Variants in CACNA1B observed in about 807,000 individuals in gnomAD.
The protein encoded by CACNA1B is voltage-dependent N-type calcium channel subunit alpha-1B.
In CACNA1B, 70 loss-of-function variants were observed where a neutral mutation model predicts 247.2. That is an observed-to-expected ratio of 0.28 (90% CI 0.23 to 0.35). The LOEUF (loss-of-function observed/expected upper bound fraction) is 0.35, where lower values mean the gene tolerates loss of function less well. CACNA1B is among the 10% of genes least tolerant of loss of function. The pLI, the probability that CACNA1B is intolerant of heterozygous loss-of-function variation, is 1.00. For missense variants in CACNA1B, 2,367 were observed against 3,197.4 expected, an observed-to-expected ratio of 0.74 and a Z score of 6.26; for synonymous variants, 1,231 against 1,294.4, an observed-to-expected ratio of 0.95 and a Z score of 1.05.
intron 40 of CACNA1B, 70 bp from the exon 41 acceptor site, chr9:138,114,308 A>T (rs1269817650): frequency 4.9e-5 from 38 of 781,082 alleles, no homozygotes; most frequent in Non-Finnish European, 2.2e-6. Context: ...TCCTCACCTT[A>T]CTTCCATACC....
At chr9:138,110,167 T>C (rs1961574905) in intron 39 of CACNA1B, among the ~76,000 whole-genome samples, 1 of 151,996 alleles carries the variant, frequency 6.6e-6, no homozygotes, top group South Asian at 2.1e-4. Flanking sequence ...CAGGCTGCAG[T>C]GCAGTGGTGC....
At chr9:138,117,727 A>G (rs1961921551) in intron 42 of CACNA1B, among the ~76,000 whole-genome samples, 1 of 152,004 alleles carries the variant, frequency 6.6e-6, no homozygotes, top group African/African-American at 2.4e-5. Flanking sequence ...TTTTGGATCC[A>G]TGTCCTTTGA....
intron 31 of CACNA1B, among the ~76,000 whole-genome samples, chr9:138,063,205 A>G (rs1350807149): frequency 6.6e-6 from 1 of 151,828 alleles, no homozygotes; most frequent in East Asian, 1.9e-4. Context: ...AAGGCAGGGA[A>G]CGTCTTGGGC....
intron 7 of CACNA1B, among the ~76,000 whole-genome samples, chr9:137,953,611 G>A (rs939721474): frequency 1.3e-5 from 2 of 152,200 alleles, no homozygotes; most frequent in African/African-American, 4.8e-5. Context: ...GGTAGCTGGC[G>A]GAGGCTTGAG....
At chr9:137,939,159 A>T (rs1325034790) in intron 6 of CACNA1B, among the ~76,000 whole-genome samples, 1 of 152,210 alleles carries the variant, frequency 6.6e-6, no homozygotes, top group Non-Finnish European at 1.5e-5. Flanking sequence ...CTAACAGGTC[A>T]TCAAGGCAGA....
At chr9:137,976,767 G>A (rs1958227838) in intron 12 of CACNA1B, among the ~76,000 whole-genome samples, 1 of 131,500 alleles carries the variant, frequency 7.6e-6, no homozygotes, top group Admixed American at 7.3e-5. Flanking sequence ...AGCACAGAGG[G>A]CAGGGCAGGG....
At chr9:138,116,377 C>T (rs1443482614) in intron 42 of CACNA1B, among the ~76,000 whole-genome samples, 1 of 152,190 alleles carries the variant, frequency 6.6e-6, no homozygotes, top group Admixed American at 6.5e-5. Context: ...TTACAAGAAC[C>T]ATCACTTTTT....
At position 138,058,497 on chromosome 9, in the gene CACNA1B, G is replaced by A; in HGVS notation, c.4309-72G>A. The A allele has an allele frequency of 7.2e-7, 1 of 1,392,438 alleles. No homozygotes were observed. The highest frequency in any genetic ancestry group is 9.9e-7 in the Non-Finnish European group (1 of 1,011,064). The allele number at this position is 1,392,438 out of a possible 1,614,324, so 86.3% of individuals were successfully genotyped here. Reference sequence around the variant, plus strand: ...CTCCCTGTGAGGCCTGGCGAGACAGGGCTGGGTGCAGTAGATGCCGTCGGG... The same window carrying A: ...CTCCCTGTGAGGCCTGGCGAGACAGAGCTGGGTGCAGTAGATGCCGTCGGG... On this transcript the variant is annotated intron_variant, in intron 28 of 46. Coordinates refer to ENST00000371372, the MANE Select transcript of CACNA1B (RefSeq NM_000718.4). This position sits in a 1 kb window ranked among gnomAD's most constrained non-coding sequence, Gnocchi z 4.7.
At position 137,986,755 on chromosome 9, in the gene CACNA1B, C is replaced by T. The variant is rs537014553; in HGVS notation, c.1902-27C>T. ...TGCCTCGCTGCTGACGGGACTGCCA[C>T]TTCCCAAGCCTTCCTGTTTTCCTCA... On this transcript the variant is annotated intron_variant, in intron 14 of 46. Coordinates refer to ENST00000371372, the MANE Select transcript of CACNA1B (RefSeq NM_000718.4). The surrounding 1 kb of genome is among the most constrained non-coding windows in gnomAD (Gnocchi z 6.0). 6.3e-7 allele frequency: 1 copy of T among 1,596,860 alleles called. No homozygotes were observed. The highest frequency in any genetic ancestry group is 2.2e-5 in the East Asian group (1 of 44,758).
chr9:138,123,537 TCTC>T lies in CACNA1B; in HGVS notation c.*1542_*1544del, dbSNP rs1038161327. ...GGATTCTTGGCTTCTACCCCATGAT[TCTC>T]CTCAAAGAAATTGTGTGTGATGTGT... On this transcript the variant is annotated 3_prime_UTR_variant, in exon 47 of 47. Coordinates refer to ENST00000371372, the MANE Select transcript of CACNA1B (RefSeq NM_000718.4). The T allele has an allele frequency of 6.7e-6, 1 of 148,896 alleles. No individual in the cohort carries two copies. Among genetic ancestry groups the T allele is most frequent in the Non-Finnish European group, 1.5e-5 (1 of 67,588 alleles). 9.2% of individuals were successfully genotyped at this position (148,896 alleles called of 1,614,324 possible).
rs888119453 is a variant in CACNA1B, at chr9:138,102,955, C to T, written c.5319+148C>T. ...TGCGCCCCCGGCTGCCTCACTGTGT[C>T]TTTCTCTTCAGCCCCATCCCAGCTT... On this transcript the variant is annotated intron_variant, in intron 38 of 46. Coordinates refer to ENST00000371372, the MANE Select transcript of CACNA1B (RefSeq NM_000718.4). This position sits in a 1 kb window ranked among gnomAD's most constrained non-coding sequence, Gnocchi z 5.4. 3 of 585,518 alleles carry T rather than the reference C, an allele frequency of 5.1e-6. No homozygotes were observed. 36.3% of individuals were successfully genotyped at this position (585,518 alleles called of 1,614,324 possible).
Position 138,058,968 on chromosome 9 carries a change from C to G in CACNA1B, c.4474-111C>G. 2.7e-6 allele frequency: 2 copies of G among 742,742 alleles called. No homozygotes were observed. Among genetic ancestry groups the G allele is most frequent in the South Asian group, 3.2e-5 (2 of 61,744 alleles). 46.0% of individuals were successfully genotyped at this position (742,742 alleles called of 1,614,324 possible). A position where few individuals can be genotyped will look rare whatever the true frequency, so the allele number is the denominator to read the frequency against. ...GGAGAGCAGGAAGGGGTGTCCCAGG[C>G]CTAGGCAGGCATCGAGTTCTGTCTG... On this transcript the variant is annotated intron_variant, in intron 29 of 46. Transcript: ENST00000371372. The surrounding 1 kb of genome is among the most constrained non-coding windows in gnomAD (Gnocchi z 4.7).
chr9:137,932,156 A>T (rs1013100334), intron 6 of CACNA1B, among the ~76,000 whole-genome samples: 2 of 152,212 alleles, frequency 1.3e-5, no homozygotes, highest in African/African-American at 4.8e-5. Flanking sequence ...TACTTTGGGC[A>T]GTGTCTTCTG....
intron 42 of CACNA1B, among the ~76,000 whole-genome samples, chr9:138,117,287 G>GA (rs1564295815): frequency 7.4e-5 from 3 of 40,378 alleles, no homozygotes; most frequent in Non-Finnish European, 1.2e-4. Flanking sequence ...TGTGGCTTGG[G>GA]GGGGGGGTCA....
rs181539716 is a variant in CACNA1B, at chr9:138,005,344, A to G, written c.1975-1423A>G. ...GGATGGAAGTGGATGTCATTAAGTT[A>G]AGTGAAATAAGCCAGGCACAGAAAG... On this transcript the variant is annotated intron_variant, in intron 15 of 46. Transcript: ENST00000371372. Among the ~76,000 whole-genome samples, 38 of 152,346 alleles carry G rather than the reference A, an allele frequency of 2.5e-4. No individual in the cohort carries two copies. In the East Asian group the frequency reaches 6.0e-3, roughly 24 times the overall value.
chr9:138,103,509 G>A (rs1961323856), intron 38 of CACNA1B, among the ~76,000 whole-genome samples: 1 of 152,132 alleles, frequency 6.6e-6, no homozygotes, highest in Admixed American at 6.5e-5. Flanking sequence ...GCCAAGAAGG[G>A]GGTAAATCGA....
At chr9:138,008,084 G>C (rs1263150041) in intron 16 of CACNA1B, among the ~76,000 whole-genome samples, 1 of 152,196 alleles carries the variant, frequency 6.6e-6, no homozygotes, top group Non-Finnish European at 1.5e-5. Flanking sequence ...GGGAAGTTGA[G>C]TGTGTGTGAG....
At position 138,054,687 on chromosome 9, in the gene CACNA1B, T is replaced by C. The variant is rs1959429934; in HGVS notation, c.3968+681T>C. Among the ~76,000 whole-genome samples the C allele has an allele frequency of 6.6e-6, 1 of 152,220 alleles. No homozygotes were observed. The highest frequency in any genetic ancestry group is 2.4e-5 in the African/African-American group (1 of 41,460). On this transcript the variant is annotated intron_variant, in intron 26 of 46. Transcript: ENST00000371372. This position sits in a 1 kb window ranked among gnomAD's most constrained non-coding sequence, Gnocchi z 4.6. ...CAGTAGCAGTTTGGGGAGGTGTATC[T>C]GTCTGGTAGTGGAATTGCCGGGTCC...
At chr9:138,119,361 G>A (rs751517913) in intron 44 of CACNA1B, among the ~76,000 whole-genome samples, 14 of 152,054 alleles carry the variant, frequency 9.2e-5, no homozygotes, top group Non-Finnish European at 1.9e-4. Context: ...TCGCCCCTCC[G>A]AGGCCAATCT....
Sources: allele counts gnomAD v4.1 joint callset (sites outside exome capture counted in the v4.1 genomes callset), GRCh38; gene constraint gnomAD v4.1.1; non-coding constraint Gnocchi (gnomAD v3.1); transcripts MANE v1.5; gene names NCBI Gene and HGNC (gene_info 2026-07-23, HGNC 2026-07-21).